STK39: variants seen among roughly 807,000 people sequenced by gnomAD.
STK39 encodes the protein serine/threonine kinase 39.
Under a neutral mutation model 77.8 loss-of-function variants are expected in STK39, and 20 were observed. The ratio of observed to expected loss-of-function variants is 0.26; its 90% CI spans 0.18 to 0.37. The LOEUF (loss-of-function observed/expected upper bound fraction) is 0.37, where lower values mean the gene tolerates loss of function less well. STK39 is among the 10% of genes least tolerant of loss of function. The probability of loss-of-function intolerance (pLI) is 1.00; values close to 1 mark genes in which losing one functional copy is unlikely to be tolerated. For missense variants in STK39, 479 were observed against 656.5 expected (o/e 0.73, Z 2.95); for synonymous variants, 246 against 234.1 (o/e 1.05, Z -0.47).
chr2:168,187,879 T>A (rs1004443158), intron 1 of STK39, among the ~76,000 whole-genome samples: 2 of 152,206 alleles, frequency 1.3e-5, no homozygotes, highest in Admixed American at 1.3e-4. Flanking sequence ...ATGGCAAGAT[T>A]TTTTTCAAGG....
intron 10 of STK39, among the ~76,000 whole-genome samples, chr2:168,077,788 G>A (rs16854663): frequency 6.6e-6 from 1 of 152,068 alleles, no homozygotes; most frequent in African/African-American, 2.4e-5. Flanking sequence ...TCCTTGTAGG[G>A]AGTTTGTAGG....
At position 168,191,675 on chromosome 2, in the gene STK39, C is replaced by T. The variant is rs541071357; in HGVS notation, c.209-9585G>A. Among the ~76,000 whole-genome samples the T allele has an allele frequency of 3.9e-4, 59 of 152,244 alleles. 1 individual carries two copies. The South Asian group carries it at 0.01, about 26-fold the overall frequency. On this transcript the variant is annotated intron_variant, in intron 1 of 17. Coordinates refer to ENST00000355999, the MANE Select transcript of STK39 (RefSeq NM_013233.3). The stretch of plus-strand genomic sequence containing the variant: ...TCCTTAGATTTGAGAACCATGGTTC[C>T]CTCCTGCGTATCAGCTTCTCTCGCC...
At chr2:167,972,986 T>C (rs1190489533) in intron 16 of STK39, among the ~76,000 whole-genome samples, 1 of 152,172 alleles carries the variant, frequency 6.6e-6, no homozygotes, top group Non-Finnish European at 1.5e-5. Context: ...TTCCTGGCCC[T>C]GTTCTTCCAA....
chr2:168,204,421 C>T (rs940950939), intron 1 of STK39, among the ~76,000 whole-genome samples: 2 of 152,164 alleles, frequency 1.3e-5, no homozygotes, highest in African/African-American at 4.8e-5. Flanking sequence ...GGTAAACTGG[C>T]GGGAAATCTA....
chr2:168,078,395 G>A (rs1048830658), intron 10 of STK39, among the ~76,000 whole-genome samples: 3 of 152,174 alleles, frequency 2.0e-5, no homozygotes, highest in African/African-American at 7.2e-5. Flanking sequence ...GGGCTAGGAT[G>A]AGCAGCCACA....
Position 168,176,675 on chromosome 2 carries a change from A to T in STK39, c.321+5303T>A, listed in dbSNP as rs573866144. Among the ~76,000 whole-genome samples, 4 of 152,312 alleles carry T rather than the reference A, an allele frequency of 2.6e-5. No individual in the cohort carries two copies. The South Asian group carries it at 6.2e-4, about 24-fold the overall frequency. ...AATATTGTCAGTGAGTTAGACCAAAATCCCTAGAGAAAGATGATACAGGAA... is the reference window on the plus strand; with the variant it reads ...AATATTGTCAGTGAGTTAGACCAAATTCCCTAGAGAAAGATGATACAGGAA... On this transcript the variant is annotated intron_variant, in intron 2 of 17. Transcript: ENST00000355999.
intron 3 of STK39, among the ~76,000 whole-genome samples, chr2:168,164,858 G>A (rs373168525): frequency 6.6e-6 from 1 of 152,248 alleles, no homozygotes; most frequent in South Asian, 2.1e-4. Context: ...CCAAACCCCT[G>A]GGTCAGTTTA....
intron 2 of STK39, among the ~76,000 whole-genome samples, chr2:168,180,355 A>T (rs1411841273): frequency 1.3e-5 from 2 of 152,170 alleles, no homozygotes; most frequent in African/African-American, 4.8e-5. Context: ...TCAAAAAAAT[A>T]CAAAAAACAA....
At chr2:168,047,827 G>T (rs1384334724) in intron 14 of STK39, among the ~76,000 whole-genome samples, 1 of 152,096 alleles carries the variant, frequency 6.6e-6, no homozygotes, top group Non-Finnish European at 1.5e-5. Context: ...TGAGTCAAAG[G>T]GTTTTAAAGA....
intron 1 of STK39, among the ~76,000 whole-genome samples, chr2:168,213,210 G>A (rs531739285): frequency 6.6e-6 from 1 of 152,312 alleles, no homozygotes; most frequent in South Asian, 2.1e-4. Flanking sequence ...AATTTAGAAA[G>A]TGAGAAATAC....
chr2:168,124,406 T>A (rs1687487591), intron 10 of STK39, among the ~76,000 whole-genome samples: 2 of 152,154 alleles, frequency 1.3e-5, no homozygotes, highest in South Asian at 4.1e-4. Flanking sequence ...ATATTTTTTA[T>A]TTCTATTTTT....
chr2:168,166,146 T>C (rs1688689553), intron 3 of STK39, among the ~76,000 whole-genome samples: 1 of 152,214 alleles, frequency 6.6e-6, no homozygotes, highest in South Asian at 2.1e-4. Flanking sequence ...TGTGTGACCT[T>C]GGGCAAGTTG....
chr2:168,212,274 G>C (rs773501309), intron 1 of STK39, among the ~76,000 whole-genome samples: 5 of 152,200 alleles, frequency 3.3e-5, no homozygotes, highest in Non-Finnish European at 5.9e-5. Context: ...GTTTGCGTAA[G>C]GAAGCTACTG....
At chr2:168,113,538 G>A (rs1271342249) in intron 10 of STK39, among the ~76,000 whole-genome samples, 1 of 152,212 alleles carries the variant, frequency 6.6e-6, no homozygotes, top group Non-Finnish European at 1.5e-5. Context: ...GCAAAGAGAG[G>A]AAAGTAGCTT....
At position 168,230,006 on chromosome 2, in the gene STK39, G is replaced by A. The variant is rs189890632; in HGVS notation, c.208+17222C>T. On this transcript the variant is annotated intron_variant, in intron 1 of 17. Transcript: ENST00000355999. ...CTATAATCAATGGCACTATAACAAC[G>A]AGAGTGTACACAAGGGTAGTTGGGT... Among the ~76,000 whole-genome samples the A allele has an allele frequency of 1.7e-4, 26 of 152,248 alleles. 1 individual carries two copies. Among genetic ancestry groups the A allele is most frequent in the Admixed American group, 2.6e-4 (4 of 15,294 alleles).
intron 2 of STK39, among the ~76,000 whole-genome samples, chr2:168,171,466 AAAT>A (rs1688822458): frequency 7.4e-6 from 1 of 134,552 alleles, no homozygotes; most frequent in African/African-American, 3.2e-5. Flanking sequence ...ACAGAACTGA[AAAT>A]AAAAAAAGGG....
chr2:168,082,864 C>T (rs1161029484), intron 10 of STK39, among the ~76,000 whole-genome samples: 1 of 152,224 alleles, frequency 6.6e-6, no homozygotes, highest in Non-Finnish European at 1.5e-5. Context: ...CATCTCCAGC[C>T]TCATTCTGAC....
intron 7 of STK39, among the ~76,000 whole-genome samples, chr2:168,138,946 G>C (rs923769064): frequency 6.6e-6 from 1 of 152,178 alleles, no homozygotes; most frequent in Non-Finnish European, 1.5e-5. Flanking sequence ...AGTGGAAAGT[G>C]TAGAAAACTA....
At chr2:168,127,150 T>TTTG (rs1164091264) in intron 10 of STK39, among the ~76,000 whole-genome samples, 5 of 152,058 alleles carry the variant, frequency 3.3e-5, no homozygotes, top group East Asian at 1.9e-4. Flanking sequence ...TTTGTTGTTG[T>TTTG]TTGTTGTTGT....
Sources: allele counts gnomAD v4.1 joint callset (sites outside exome capture counted in the v4.1 genomes callset), GRCh38; gene constraint gnomAD v4.1.1; transcripts MANE v1.5; gene names NCBI Gene and HGNC (gene_info 2026-07-23, HGNC 2026-07-21).